Variants in USP13 observed in about 807,000 individuals in gnomAD.
The protein encoded by USP13 is ubiquitin carboxyl-terminal hydrolase 13.
USP13 carries 68 observed loss-of-function variants against 107.8 expected under a neutral mutation model. The ratio of observed to expected loss-of-function variants is 0.63; its 90% CI spans 0.52 to 0.77. The LOEUF is 0.77. Among genes scored for constraint, USP13 ranks in the 30% least tolerant of loss-of-function variants. The probability of loss-of-function intolerance (pLI) is 0.00; values close to 1 mark genes in which losing one functional copy is unlikely to be tolerated. For synonymous variants in USP13, 377 were observed against 389.5 expected, an observed-to-expected ratio of 0.97 and a Z score of 0.38; for missense variants, 945 against 1,093.3, an observed-to-expected ratio of 0.86 and a Z score of 1.91.
At position 179,653,923 on chromosome 3, in the gene USP13, C is replaced by A. The variant is rs1720172611; in HGVS notation, c.168+530C>A. The stretch of plus-strand genomic sequence containing the variant: ...ACTCCTTTTCTTGTCTTTAGAATGT[C>A]AGGGCCAGGCGCGGTGGCTCACGTC... On this transcript the variant is annotated intron_variant, in intron 1 of 20. Coordinates refer to ENST00000263966, the MANE Select transcript of USP13 (RefSeq NM_003940.3). This position sits in a 1 kb window ranked among gnomAD's most constrained non-coding sequence, Gnocchi z 4.0. Among the ~76,000 whole-genome samples the A allele has an allele frequency of 6.6e-6, 1 of 152,126 alleles. No individual in the cohort carries two copies. Among genetic ancestry groups the A allele is most frequent in the South Asian group, 2.1e-4 (1 of 4,822 alleles).
intron 1 of USP13, among the ~76,000 whole-genome samples, chr3:179,680,785 C>T (rs1711624846): frequency 6.6e-6 from 1 of 152,122 alleles, no homozygotes; most frequent in African/African-American, 2.4e-5. Flanking sequence ...TCGTGATCCG[C>T]CTGTCTCAGC....
At chr3:179,719,535 C>G (rs1037459598) in intron 6 of USP13, among the ~76,000 whole-genome samples, 2 of 152,160 alleles carry the variant, frequency 1.3e-5, no homozygotes, top group Non-Finnish European at 2.9e-5. Flanking sequence ...CCGGAGGTCC[C>G]CCCTGCCGTG....
chr3:179,775,270 A>C (rs547978410), intron 19 of USP13, among the ~76,000 whole-genome samples: 1 of 152,166 alleles, frequency 6.6e-6, no homozygotes, highest in Non-Finnish European at 1.5e-5. Flanking sequence ...TGGTGCATTT[A>C]CAATCCTTTA....
At position 179,764,093 on chromosome 3, in the gene USP13, T is replaced by G; in HGVS notation, c.2184T>G (p.Pro728=). 6.2e-7 allele frequency: 1 copy of G among 1,613,828 alleles called. No homozygotes were observed. Among genetic ancestry groups the G allele is most frequent in the South Asian group, 1.1e-5 (1 of 91,052 alleles). Residue 728 remains proline (P), a synonymous_variant, in exon 18 of 21, where the codon CCT becomes CCG. Transcript: ENST00000263966. ...VFGASGLDNQ[P]PEEIVAIITS... ...GTGCTTCTGGACTGGATAACCAACC[T>G]CCAGAGGAAATCGTAGCTATCATCA... is the stretch of plus-strand genomic sequence containing the variant.
In USP13 at chr3:179,745,230, A is replaced by C; in HGVS notation, c.1709+13A>C. The C allele has an allele frequency of 6.7e-7, 1 of 1,494,522 alleles. No individual in the cohort carries two copies. The highest frequency in any genetic ancestry group is 9.0e-7 in the Non-Finnish European group (1 of 1,106,854). 92.6% of individuals were successfully genotyped at this position (1,494,522 alleles called of 1,614,324 possible). Reference sequence around the variant, plus strand: ...CTGCGGGTGTGAAGTAAGTGTGTGTATATGTGGTGGCAGTGGGGTGAGGAG... The same window carrying C: ...CTGCGGGTGTGAAGTAAGTGTGTGTCTATGTGGTGGCAGTGGGGTGAGGAG... On this transcript the variant is annotated intron_variant, in intron 13 of 20. Coordinates refer to ENST00000263966, the MANE Select transcript of USP13 (RefSeq NM_003940.3).
At chr3:179,695,161 C>CT (rs974807570) in intron 3 of USP13, among the ~76,000 whole-genome samples, 4 of 152,260 alleles carry the variant, frequency 2.6e-5, no homozygotes, top group African/African-American at 9.6e-5. Context: ...TGCAGTTTCT[C>CT]TGTTATTTTT....
intron 3 of USP13, among the ~76,000 whole-genome samples, chr3:179,697,695 C>T (rs1192675986): frequency 4.6e-5 from 7 of 152,038 alleles, no homozygotes; most frequent in African/African-American, 1.7e-4. Context: ...GGTGATGAGA[C>T]ATGATTTAGA....
chr3:179,784,023 T>A, intron 20 of USP13, 25 bp from the exon 21 acceptor site: 2 of 1,591,218 alleles, frequency 1.3e-6, no homozygotes, highest in Non-Finnish European at 1.7e-6. Context: ...CTTAAATCCA[T>A]CAAATGCTTC....
At chr3:179,683,272 G>A (rs1044068779) in intron 2 of USP13, among the ~76,000 whole-genome samples, 1 of 150,752 alleles carries the variant, frequency 6.6e-6, no homozygotes, top group East Asian at 1.9e-4. Context: ...TTATTTTGTA[G>A]AATAGAAGTT....
chr3:179,668,357 T>C (rs1035726909), intron 1 of USP13, among the ~76,000 whole-genome samples: 1 of 152,210 alleles, frequency 6.6e-6, no homozygotes, highest in Non-Finnish European at 1.5e-5. Context: ...GTTTTATCAG[T>C]GTTTAGCAGT....
At chr3:179,767,959 C>T (rs1047924569) in intron 19 of USP13, among the ~76,000 whole-genome samples, 11 of 152,080 alleles carry the variant, frequency 7.2e-5, no homozygotes, top group Admixed American at 7.2e-4. Context: ...TGTTTCAATG[C>T]CAACTGGATA....
chr3:179,731,563 G>A (rs1713805243), intron 10 of USP13, among the ~76,000 whole-genome samples: 1 of 152,120 alleles, frequency 6.6e-6, no homozygotes, highest in African/African-American at 2.4e-5. Context: ...TGGGCCAGTC[G>A]TTACTAATTA....
chr3:179,718,450 C>T (rs1713184801), intron 6 of USP13, among the ~76,000 whole-genome samples: 1 of 152,110 alleles, frequency 6.6e-6, no homozygotes, highest in South Asian at 2.1e-4. Flanking sequence ...AGCCATGTAC[C>T]TCGCTGGTGT....
At chr3:179,716,791 A>C (rs1206164100) in intron 6 of USP13, among the ~76,000 whole-genome samples, 2 of 152,028 alleles carry the variant, frequency 1.3e-5, no homozygotes, top group African/African-American at 2.4e-5. Context: ...CTTCTGGTTC[A>C]TCTCTATCTC....
intron 2 of USP13, among the ~76,000 whole-genome samples, chr3:179,688,232 T>G (rs1711964447): frequency 6.7e-6 from 1 of 149,980 alleles, no homozygotes; most frequent in South Asian, 2.1e-4. Flanking sequence ...CATCCATCCA[T>G]CCATCCAACA....
intron 9 of USP13, 28 bp downstream of exon 9, chr3:179,730,288 TTC>T: frequency 6.3e-7 from 1 of 1,597,490 alleles, no homozygotes; most frequent in Non-Finnish European, 8.5e-7. Context: ...ATTTTTTTTT[TTC>T]TAGAAAAAGC....
chr3:179,694,330 T>C (rs1712210987), intron 3 of USP13, among the ~76,000 whole-genome samples: 1 of 152,080 alleles, frequency 6.6e-6, no homozygotes, highest in South Asian at 2.1e-4. Context: ...GTAGAGGATG[T>C]TGGGAAACAG....
chr3:179,775,802 G>A (rs1358192308), intron 19 of USP13, among the ~76,000 whole-genome samples: 1 of 152,224 alleles, frequency 6.6e-6, no homozygotes, highest in Admixed American at 6.5e-5. Context: ...CCAGAACTCA[G>A]TGCTGGCTCG....
At position 179,735,851 on chromosome 3, in the gene USP13, A is replaced by T. The variant is rs555798508; in HGVS notation, c.1255-4396A>T. Among the ~76,000 whole-genome samples, 4 of 152,292 alleles carry T rather than the reference A, an allele frequency of 2.6e-5. No individual in the cohort carries two copies. The East Asian group carries it at 7.7e-4, about 29-fold the overall frequency. On this transcript the variant is annotated intron_variant, in intron 10 of 20. Coordinates refer to ENST00000263966, the MANE Select transcript of USP13 (RefSeq NM_003940.3). Reference sequence around the variant, plus strand: ...ACTTTGAGACCAACCTGGGCCACACAGTAAGACCCCTGTCTCTAGAAAAAA... The same window carrying T: ...ACTTTGAGACCAACCTGGGCCACACTGTAAGACCCCTGTCTCTAGAAAAAA...
Sources: gnomAD v4.1 joint callset for allele counts (sites outside exome capture counted in the v4.1 genomes callset) on GRCh38, gnomAD v4.1.1 for gene constraint, Gnocchi (gnomAD v3.1) non-coding constraint, MANE v1.5 for transcripts, NCBI Gene and HGNC (gene_info 2026-07-23, HGNC 2026-07-21) for gene names.